The following SNX7 variants were observed in gnomAD, a reference collection of about 807,000 sequenced individuals.
SNX7 encodes the protein sorting nexin 7.
A neutral mutation model predicts 48.4 loss-of-function variants in SNX7; 35 were observed. That is an observed-to-expected ratio of 0.72 (90% CI 0.55 to 0.96). The LOEUF (loss-of-function observed/expected upper bound fraction) is 0.96. Among genes scored for constraint, SNX7 ranks in the 40% least tolerant of loss-of-function variants. The pLI is 0.00. For synonymous variants in SNX7, 190 were observed against 190.2 expected (o/e 1.00, Z 0.01); for missense variants, 553 against 548.9 (o/e 1.01, Z -0.07).
intron 7 of SNX7, among the ~76,000 whole-genome samples, chr1:98,728,300 A>G (rs1025674978): frequency 6.6e-6 from 1 of 152,198 alleles, no homozygotes; most frequent in African/African-American, 2.4e-5. Context: ...TTCATAAGTG[A>G]AGGAGAAATA....
chr1:98,757,690 G>A (rs142500528), intron 8 of SNX7, among the ~76,000 whole-genome samples: 130 of 151,766 alleles, frequency 8.6e-4, no homozygotes, highest in African/African-American at 3.0e-3. Flanking sequence ...GATTTCCAGG[G>A]TGTTGAAAAC....
At chr1:98,726,609 C>T (rs1653183796) in intron 7 of SNX7, among the ~76,000 whole-genome samples, 2 of 152,066 alleles carry the variant, frequency 1.3e-5, no homozygotes, top group Admixed American at 1.3e-4. Flanking sequence ...AATATTTAGT[C>T]CAGTAAGGAA....
At chr1:98,702,014 T>C (rs1175761540) in intron 7 of SNX7, 111 bp downstream of exon 7, 8 of 741,030 alleles carry the variant, frequency 1.1e-5, no homozygotes, top group Non-Finnish European at 1.7e-5. Flanking sequence ...TATGATTGTT[T>C]CTAAGCATTA....
intron 1 of SNX7, among the ~76,000 whole-genome samples, chr1:98,665,555 A>G (rs1649491427): frequency 6.6e-6 from 1 of 152,196 alleles, no homozygotes; most frequent in East Asian, 1.9e-4. Context: ...GCTTTTGAAA[A>G]AAATCACTCA....
intron 2 of SNX7, among the ~76,000 whole-genome samples, chr1:98,688,215 A>C (rs1650909103): frequency 6.6e-6 from 1 of 152,190 alleles, no homozygotes; most frequent in Non-Finnish European, 1.5e-5. Flanking sequence ...GTAAATGAAT[A>C]TACACATACA....
At chr1:98,703,071 C>G (rs1277518752) in intron 7 of SNX7, among the ~76,000 whole-genome samples, 1 of 151,980 alleles carries the variant, frequency 6.6e-6, no homozygotes, top group Non-Finnish European at 1.5e-5. Flanking sequence ...CTCTCTCTTT[C>G]CCTCTCCATA....
At chr1:98,729,464 A>G (rs1473164700) in intron 7 of SNX7, among the ~76,000 whole-genome samples, 2 of 151,502 alleles carry the variant, frequency 1.3e-5, no homozygotes, top group East Asian at 3.9e-4. Context: ...GACACAAAAA[A>G]CCCTTCAAAA....
At chr1:98,756,364 A>G (rs1570619593) in intron 8 of SNX7, among the ~76,000 whole-genome samples, 1 of 130,762 alleles carries the variant, frequency 7.6e-6, no homozygotes, top group East Asian at 2.6e-4. Context: ...TGTCGTTACT[A>G]TGTCATTTGT....
intron 5 of SNX7, 71 bp from the exon 6 acceptor site, chr1:98,698,635 C>A: frequency 7.4e-7 from 1 of 1,356,930 alleles, no homozygotes; most frequent in Non-Finnish European, 1.0e-6. Context: ...CCCTTTCTTA[C>A]TCTCTAGGAT....
At chr1:98,749,730 A>G (rs1192233417) in intron 8 of SNX7, among the ~76,000 whole-genome samples, 1 of 152,086 alleles carries the variant, frequency 6.6e-6, no homozygotes, top group Non-Finnish European at 1.5e-5. Flanking sequence ...GGAGATTTAA[A>G]AAGTTACTAA....
At chr1:98,718,284 A>G (rs1174350443) in intron 7 of SNX7, among the ~76,000 whole-genome samples, 1 of 152,120 alleles carries the variant, frequency 6.6e-6, no homozygotes, top group Non-Finnish European at 1.5e-5. Flanking sequence ...TAATATAGAA[A>G]TAACACCTTT....
At chr1:98,755,798 A>G (rs922230177) in intron 8 of SNX7, among the ~76,000 whole-genome samples, 5 of 151,866 alleles carry the variant, frequency 3.3e-5, no homozygotes, top group African/African-American at 9.7e-5. Flanking sequence ...AATTTTAACT[A>G]TATTTGTCCT....
chr1:98,679,026 CTGTTTTCACACTATTAATG>C (rs1401858804), intron 1 of SNX7, among the ~76,000 whole-genome samples: 11 of 152,138 alleles, frequency 7.2e-5, no homozygotes, highest in African/African-American at 2.7e-4. Flanking sequence ...ATGTATTAAT[CTGTTTTCACACTATTAATG>C]TGTTTTCACA....
chr1:98,712,890 G>A (rs770327984), intron 7 of SNX7, among the ~76,000 whole-genome samples: 56 of 152,042 alleles, frequency 3.7e-4, no homozygotes, highest in Non-Finnish European at 6.6e-4. Flanking sequence ...TTGGGAGTTC[G>A]AAATGAGCCT....
rs772322964 is a variant in SNX7, at chr1:98,691,536, C to A, written c.476C>A (p.Pro159Gln). 1 of 1,569,558 alleles carries A rather than the reference C, an allele frequency of 6.4e-7. No homozygotes were observed. The highest frequency in any genetic ancestry group is 8.6e-7 in the Non-Finnish European group (1 of 1,162,162). ...CCTTTTTAATTTTTTTTGCCTTAGC[C>A]ATTGCCAGAAAAGTTTATAGTAAAA... ...EEAHPTLIIP[P>Q]LPEKFIVKGM... The change falls in exon 4 of 9, where the codon CCA becomes CAA. Residue 159 changes from proline to glutamine, a missense_variant and splice_region_variant. Physicochemically the swap from Pro to Gln is moderately conservative, Grantham distance 76. Coordinates refer to ENST00000306121, the MANE Select transcript of SNX7 (RefSeq NM_015976.5).
chr1:98,676,011 G>A (rs1650140826), intron 1 of SNX7, among the ~76,000 whole-genome samples: 1 of 151,612 alleles, frequency 6.6e-6, no homozygotes. Context: ...TAGAATATTT[G>A]GAAAATAAAG....
intron 4 of SNX7, among the ~76,000 whole-genome samples, chr1:98,694,810 G>T (rs139006775): frequency 0.012 from 1,749 of 151,320 alleles, 33 homozygotes; most frequent in African/African-American, 0.041. Context: ...GAGTTTCACC[G>T]TGTTAGCCAG....
intron 4 of SNX7, among the ~76,000 whole-genome samples, chr1:98,693,858 A>G (rs1369824731): frequency 6.6e-6 from 1 of 152,122 alleles, no homozygotes; most frequent in Non-Finnish European, 1.5e-5. Flanking sequence ...ATTTGATCAT[A>G]TATTTTATTC....
At chr1:98,746,091 A>G (rs959225888) in intron 8 of SNX7, among the ~76,000 whole-genome samples, 7 of 152,206 alleles carry the variant, frequency 4.6e-5, no homozygotes, top group Non-Finnish European at 7.4e-5. Flanking sequence ...ACATCTTTGG[A>G]GGCAAGCCAC....
Sources: gnomAD v4.1 joint callset for allele counts (sites outside exome capture counted in the v4.1 genomes callset) on GRCh38, gnomAD v4.1.1 for gene constraint, MANE v1.5 for transcripts, NCBI Gene and HGNC (gene_info 2026-07-23, HGNC 2026-07-21) for gene names.